The following NCKAP5 variants were observed in gnomAD, a reference collection of about 807,000 sequenced individuals.
The protein encoded by NCKAP5 is NCK associated protein 5.
NCKAP5 carries 92 observed loss-of-function variants against 167.0 expected under a neutral mutation model. That is an observed-to-expected ratio of 0.55 (90% CI 0.47 to 0.66). The LOEUF (loss-of-function observed/expected upper bound fraction) is 0.66. Among genes scored for constraint, NCKAP5 ranks in the 30% least tolerant of loss-of-function variants. The pLI, the probability that NCKAP5 is intolerant of heterozygous loss-of-function variation, is 0.00. For synonymous variants in NCKAP5, 891 were observed against 877.4 expected (o/e 1.02, Z -0.27); for missense variants, 2,378 against 2,315.0 (o/e 1.03, Z -0.56).
intron 2 of NCKAP5, among the ~76,000 whole-genome samples, chr2:133,547,290 G>C (rs1027142103): frequency 1.3e-5 from 2 of 152,222 alleles, no homozygotes; most frequent in African/African-American, 4.8e-5. Context: ...AGGCGGCAGA[G>C]AGGCTGGGGG....
the NCKAP5 span, among the ~76,000 whole-genome samples, chr2:133,654,373 A>G: frequency 1.0e-5 from 1 of 99,220 alleles, no homozygotes; most frequent in Non-Finnish European, 2.1e-5. Flanking sequence ...GCGAGACTCT[A>G]TCTCAAATAA....
chr2:132,930,342 T>C (rs1696271997), intron 8 of NCKAP5: 1 of 152,030 alleles, frequency 6.6e-6, no homozygotes, highest in Non-Finnish European at 1.5e-5. Context: ...GGTAAAACAT[T>C]ATTTGGGAGG....
At chr2:133,592,088 G>A in the NCKAP5 span, among the ~76,000 whole-genome samples, 363 of 150,438 alleles carry the variant, frequency 2.4e-3, 2 homozygotes, top group African/African-American at 8.3e-3. Flanking sequence ...ACACACAGGG[G>A]TATGAAACAT....
At chr2:133,230,953 C>T (rs1027868937) in intron 4 of NCKAP5, among the ~76,000 whole-genome samples, 8 of 152,078 alleles carry the variant, frequency 5.3e-5, no homozygotes, top group African/African-American at 1.9e-4. Flanking sequence ...ATTAATGTTC[C>T]ACACAAATGG....
intron 6 of NCKAP5, among the ~76,000 whole-genome samples, chr2:133,112,357 C>T (rs936430578): frequency 2.6e-5 from 4 of 152,078 alleles, no homozygotes; most frequent in African/African-American, 9.7e-5. Context: ...GCCTGTAGTC[C>T]TGGCTACTCG....
At chr2:132,711,980 G>A (rs1340593872) in intron 19 of NCKAP5, among the ~76,000 whole-genome samples, 2 of 152,170 alleles carry the variant, frequency 1.3e-5, no homozygotes, top group African/African-American at 4.8e-5. Context: ...GTTGTATAGC[G>A]AAGGCTGCAG....
At chr2:132,768,936 G>T (rs534166756) in intron 16 of NCKAP5, among the ~76,000 whole-genome samples, 62 of 140,364 alleles carry the variant, frequency 4.4e-4, no homozygotes, top group Non-Finnish European at 8.2e-4. Flanking sequence ...ACCACACCTG[G>T]CCCTTTTTTT....
At chr2:132,694,014 G>A (rs1383262394) in intron 19 of NCKAP5, among the ~76,000 whole-genome samples, 1 of 152,124 alleles carries the variant, frequency 6.6e-6, no homozygotes, top group Non-Finnish European at 1.5e-5. Flanking sequence ...ATTAACAGGA[G>A]CTGTTTGGAG....
At chr2:132,878,630 ACACACACACACACACACACACACACG>A (rs1344419601) in intron 9 of NCKAP5, among the ~76,000 whole-genome samples, 192 bp downstream of exon 9, 3 of 110,490 alleles carry the variant, frequency 2.7e-5, no homozygotes, top group African/African-American at 1.1e-4. Flanking sequence ...ACACACACAC[ACACACACACACACACACACACACACG>A]CACGCATACA....
chr2:133,472,060 C>T (rs1679381553), intron 3 of NCKAP5, among the ~76,000 whole-genome samples: 1 of 152,098 alleles, frequency 6.6e-6, no homozygotes. Flanking sequence ...AATATAAAAT[C>T]ATCCACAATC....
intron 3 of NCKAP5, among the ~76,000 whole-genome samples, chr2:133,455,625 C>A (rs1248426631): frequency 6.6e-6 from 1 of 152,086 alleles, no homozygotes; most frequent in South Asian, 2.1e-4. Context: ...GAAGCTAAGG[C>A]ATTTTCATAT....
At chr2:132,699,897 A>T (rs56821454) in intron 19 of NCKAP5, among the ~76,000 whole-genome samples, 13,216 of 152,242 alleles carry the variant, frequency 0.087, 1,804 homozygotes, top group African/African-American at 0.29. Context: ...TCCCTGAGGA[A>T]TCGCCACACT....
At chr2:133,366,581 C>A (rs906380367) in intron 3 of NCKAP5, among the ~76,000 whole-genome samples, 1 of 152,018 alleles carries the variant, frequency 6.6e-6, no homozygotes, top group Non-Finnish European at 1.5e-5. Flanking sequence ...GGATTACAGG[C>A]GTGAGTTACT....
intron 3 of NCKAP5, among the ~76,000 whole-genome samples, chr2:133,414,837 ATT>A: frequency 6.6e-6 from 1 of 152,334 alleles, no homozygotes; most frequent in Non-Finnish European, 1.5e-5. Context: ...AAAGCATGGT[ATT>A]TTTACGTATT....
At chr2:133,146,122 G>A (rs2083188289) in intron 5 of NCKAP5, among the ~76,000 whole-genome samples, 1 of 151,028 alleles carries the variant, frequency 6.6e-6, no homozygotes, top group Admixed American at 6.6e-5. Context: ...AAAATGGGAG[G>A]GAAGCAACAT....
At chr2:133,022,296 A>T (rs1238173862) in intron 6 of NCKAP5, among the ~76,000 whole-genome samples, 1 of 152,222 alleles carries the variant, frequency 6.6e-6, no homozygotes, top group Non-Finnish European at 1.5e-5. Flanking sequence ...TGACATCTAC[A>T]AAGGAAATCT....
intron 5 of NCKAP5, among the ~76,000 whole-genome samples, chr2:133,149,710 T>G (rs1308332895): frequency 6.6e-6 from 1 of 152,146 alleles, no homozygotes; most frequent in African/African-American, 2.4e-5. Context: ...TAGTAATTAC[T>G]TCTTGCCAGA....
chr2:133,013,764 C>A (rs966356129), intron 6 of NCKAP5, among the ~76,000 whole-genome samples: 34 of 150,502 alleles, frequency 2.3e-4, no homozygotes, highest in African/African-American at 7.8e-4. Context: ...CTCCTTGAAC[C>A]CTTTTTTTGT....
At chr2:133,249,998 T>TTTA (rs10685479) in intron 4 of NCKAP5, among the ~76,000 whole-genome samples, 1,801 of 138,202 alleles carry the variant, frequency 0.013, 25 homozygotes, top group Middle Eastern at 0.022. Flanking sequence ...CACCAAGGGT[T>TTTA]TTATTATTAT....
Sources: allele counts gnomAD v4.1 joint callset (sites outside exome capture counted in the v4.1 genomes callset), GRCh38; gene constraint gnomAD v4.1.1; transcripts MANE v1.5; gene names NCBI Gene and HGNC (gene_info 2026-07-23, HGNC 2026-07-21).